The following CHRNE variants were observed in gnomAD, a reference collection of about 807,000 sequenced individuals.
The protein encoded by CHRNE is acetylcholine receptor subunit epsilon.
A neutral mutation model predicts 56.5 loss-of-function variants in CHRNE; 58 were observed. That is an observed-to-expected ratio of 1.03 (90% confidence interval 0.83 to 1.28). The LOEUF is 1.28. Among genes scored for constraint, CHRNE ranks in the 50% most tolerant of loss-of-function variants. CHRNE has a pLI of 0.00. For synonymous variants in CHRNE, 385 were observed against 297.9 expected (o/e 1.29, Z -3.01); for missense variants, 793 against 688.9 (o/e 1.15, Z -1.69).
intron 6 of CHRNE, 27 bp downstream of exon 6, chr17:4,901,498 G>C: frequency 1.2e-6 from 2 of 1,608,588 alleles, no homozygotes; most frequent in Non-Finnish European, 1.7e-6. Flanking sequence ...CTAGAAGCGG[G>C]TTTTTCTGAG....
Position 4,899,363 on chromosome 17 carries a change from G to T in CHRNE, c.1054C>A (p.Arg352Ser), listed in dbSNP as rs1384258026. 2.0e-6 allele frequency: 3 copies of T among 1,534,524 alleles called. No homozygotes were observed. The highest frequency in any genetic ancestry group is 2.6e-6 in the Non-Finnish European group (3 of 1,146,010). ...LRHVLLELLP[R>S]LLGSPPPPEA... is the part of the protein sequence containing the mutation. Reference sequence around the variant, plus strand: ...GGCGGCGGCGGGGAGCCCAGGAGGCGCGGCAGCAGCTCCAGGAGAACCTGG... The same window carrying T: ...GGCGGCGGCGGGGAGCCCAGGAGGCTCGGCAGCAGCTCCAGGAGAACCTGG... The change falls in exon 10 of 12, where the codon CGC becomes AGC. Residue 352 changes from arginine (R) to serine (S), a missense_variant. Transcript: ENST00000649488.
upstream of CHRNE, chr17:4,903,146 G>C: frequency 2.1e-6 from 3 of 1,400,530 alleles, no homozygotes; most frequent in African/African-American, 1.4e-5. Context: ...AGGGGGAGGA[G>C]GGTGTTAGTT....
intron 8 of CHRNE, chr17:4,900,402 G>A: frequency 6.4e-7 from 1 of 1,550,720 alleles, no homozygotes; most frequent in Non-Finnish European, 8.7e-7. Flanking sequence ...CCGGCTCCTA[G>A]TCCAGGGAGC....
Position 4,902,355 on chromosome 17 carries a change from G to A in CHRNE, c.235-29C>T. 2 of 1,613,526 alleles carry A rather than the reference G, an allele frequency of 1.2e-6. No homozygotes were observed. The highest frequency in any genetic ancestry group is 1.7e-6 in the Non-Finnish European group (2 of 1,179,418). On this transcript the variant is annotated intron_variant, in intron 3 of 11. Coordinates refer to ENST00000649488, the MANE Select transcript of CHRNE (RefSeq NM_000080.4). This position sits in a 1 kb window ranked among gnomAD's most constrained non-coding sequence, Gnocchi z 4.0. ...AGGGGTGGGGGATGGAAGGCCGCGTGCCCTGCATCTCCCACCTGGCGCTGC... is the reference window on the plus strand; with the variant it reads ...AGGGGTGGGGGATGGAAGGCCGCGTACCCTGCATCTCCCACCTGGCGCTGC...
At chr17:4,900,584 G>C (rs1969948519) in intron 8 of CHRNE, 2 of 1,547,652 alleles carry the variant, frequency 1.3e-6, no homozygotes, top group East Asian at 2.4e-5. Context: ...TGTCCCCCAA[G>C]AGAGCTACTC....
At chr17:4,903,764 TAG>T (rs1267920307), upstream of CHRNE, among the ~76,000 whole-genome samples, 2 of 152,154 alleles carry the variant, frequency 1.3e-5, no homozygotes, top group African/African-American at 4.8e-5. Flanking sequence ...TCACAGATGA[TAG>T]TACCGTCTTC....
chr17:4,902,960 A>G lies in CHRNE; in HGVS notation c.46+58T>C. 1 of 1,608,560 alleles carries G rather than the reference A, an allele frequency of 6.2e-7. No individual in the cohort carries two copies. Among genetic ancestry groups the G allele is most frequent in the South Asian group, 1.1e-5 (1 of 90,954 alleles). On this transcript the variant is annotated intron_variant, in intron 1 of 11. Coordinates refer to ENST00000649488, the MANE Select transcript of CHRNE (RefSeq NM_000080.4). This position sits in a 1 kb window ranked among gnomAD's most constrained non-coding sequence, Gnocchi z 4.0. ...TCTTGGTCTCTGTCTTTGTCTTCCCAGTCCCTTCATGTCAGTATCTGTGTG... is the reference window on the plus strand; with the variant it reads ...TCTTGGTCTCTGTCTTTGTCTTCCCGGTCCCTTCATGTCAGTATCTGTGTG...
chr17:4,901,007 T>C lies in CHRNE; in HGVS notation c.785A>G (p.Tyr262Cys). 1.2e-6 allele frequency: 2 copies of C among 1,613,816 alleles called. No homozygotes were observed. Among genetic ancestry groups the C allele is most frequent in the Non-Finnish European group, 1.7e-6 (2 of 1,179,858 alleles). ...VLISGLVLLA[Y>C]FLPAQAGGQK... is the part of the protein sequence containing the mutation. ...CTGCTTACCCTGCGCCGGCAGGAAGTAGGCGAGCAGCACCAGGCCCGAGAT... is the reference window on the plus strand; with the variant it reads ...CTGCTTACCCTGCGCCGGCAGGAAGCAGGCGAGCAGCACCAGGCCCGAGAT... Residue 262 changes from tyrosine to cysteine, a missense_variant, in exon 7 of 12, where the codon TAC (tyrosine) becomes TGC (cysteine). Coordinates refer to ENST00000649488, the MANE Select transcript of CHRNE (RefSeq NM_000080.4).
Position 4,898,829 on chromosome 17 carries a change from C to G in CHRNE, c.1389G>C (p.Leu463=). The G allele has an allele frequency of 6.3e-7, 1 of 1,597,708 alleles. No homozygotes were observed. Among genetic ancestry groups the G allele is most frequent in the East Asian group, 2.3e-5 (1 of 44,306 alleles). ...ALDNICFWAA[L]VLFSVGSSLI... ...GGCTGGAGCCCACGCTGAAGAGCAC[C>G]AGAGCGGCCCAGAAGCAGATGTTGT... is the stretch of plus-strand genomic sequence containing the variant. Residue 463 remains leucine, a synonymous_variant, in exon 12 of 12, where the codon CTG becomes CTC. Coordinates refer to ENST00000649488, the MANE Select transcript of CHRNE (RefSeq NM_000080.4).
chr17:4,907,905 G>T (rs1260047039), upstream of CHRNE, among the ~76,000 whole-genome samples: 2 of 152,180 alleles, frequency 1.3e-5, no homozygotes, highest in Admixed American at 6.5e-5. Context: ...AGTCGGGCAC[G>T]GTGGCTCACA....
At position 4,901,102 on chromosome 17, in the gene CHRNE, G is replaced by A. The variant is rs1597619417; in HGVS notation, c.690C>T (p.Val230=). The A allele has an allele frequency of 1.2e-6, 2 of 1,613,648 alleles. No homozygotes were observed. The highest frequency in any genetic ancestry group is 2.2e-5 in the East Asian group (1 of 44,848). ...TCCGGCGGATGATGAGCGAGTAGAT[G>A]ACGTCAGTCTCCCCTGGGCCGTCGG... ...GATDGPGETD[V]IYSLIIRRKP... The change falls in exon 7 of 12, where the codon GTC becomes GTT. Residue 230 remains valine (V), a synonymous_variant. Transcript: ENST00000649488.
At chr17:4,905,577 C>T (rs956822388), upstream of CHRNE, among the ~76,000 whole-genome samples, 4 of 150,334 alleles carry the variant, frequency 2.7e-5, no homozygotes, top group Non-Finnish European at 4.4e-5. Context: ...ATGAAGTTTC[C>T]GGCTGGATGC....
At position 4,901,640 on chromosome 17, in the gene CHRNE, C is replaced by T; in HGVS notation, c.501-15G>A. The T allele has an allele frequency of 3.7e-6, 6 of 1,611,724 alleles. No homozygotes were observed. The highest frequency in any genetic ancestry group is 5.1e-6 in the Non-Finnish European group (6 of 1,178,338). ...ACGTCTGAGAGCTGCGGAGCCAGGG[C>T]CGGGAGCCCACCCCAGAAGCTCTGA... On this transcript the variant is annotated splice_polypyrimidine_tract_variant and intron_variant, in intron 5 of 11. Coordinates refer to ENST00000649488, the MANE Select transcript of CHRNE (RefSeq NM_000080.4).
chr17:4,907,566 CAAAAAAAAA>C (rs34317332), upstream of CHRNE, among the ~76,000 whole-genome samples: 1 of 61,068 alleles, frequency 1.6e-5, no homozygotes, highest in Non-Finnish European at 3.2e-5. Flanking sequence ...GACTCAGTCT[CAAAAAAAAA>C]AAAAAAAAAA....
rs751593666 is a variant in CHRNE, at chr17:4,899,049, G to A, written c.1278C>T (p.Ala426=). ...AAPEVRCCVD[A]VNFVAESTRD... is the part of the protein sequence containing the mutation. ...TCGTGCTCTCGGCCACGAAGTTCACGGCATCCACACAGCAGCGGACCTCGG... is the reference window on the plus strand; with the variant it reads ...TCGTGCTCTCGGCCACGAAGTTCACAGCATCCACACAGCAGCGGACCTCGG... The change falls in exon 11 of 12, where the codon GCC becomes GCT. Residue 426 remains alanine, a synonymous_variant. Coordinates refer to ENST00000649488, the MANE Select transcript of CHRNE (RefSeq NM_000080.4). The A allele has an allele frequency of 5.1e-5, 82 of 1,611,560 alleles. No individual in the cohort carries two copies. In the Admixed American group the frequency reaches 1.1e-3, roughly 22 times the overall value.
chr17:4,907,566 C>CA (rs34317332), upstream of CHRNE, among the ~76,000 whole-genome samples: 1,197 of 60,430 alleles, frequency 0.02, 30 homozygotes, highest in African/African-American at 0.052. Context: ...GACTCAGTCT[C>CA]AAAAAAAAAA....
rs1352770248 is a variant in CHRNE at position 4,902,310 on chromosome 17, C to T, written c.251G>A (p.Arg84Gln). The change falls in exon 4 of 12, where the codon CGA (arginine) becomes CAA (glutamine). Residue 84 changes from arginine (R) to glutamine (Q), a missense_variant. Coordinates refer to ENST00000649488, the MANE Select transcript of CHRNE (RefSeq NM_000080.4). This position sits in a 1 kb window ranked among gnomAD's most constrained non-coding sequence, Gnocchi z 4.0. ...AAAGTCGTCCTTGCTGTAGTTGAGT[C>T]GGTAATCCTGCCAATCCTAAGGGGT... is the stretch of plus-strand genomic sequence containing the variant. ...VWIGIDWQDY[R>Q]LNYSKDDFGG... 1.2e-6 allele frequency: 2 copies of T among 1,614,134 alleles called. No individual in the cohort carries two copies. Among genetic ancestry groups the T allele is most frequent in the South Asian group, 1.1e-5 (1 of 91,070 alleles).
In CHRNE at chr17:4,901,620, T is replaced by TGAGAGCTGCGGAGC. The variant is rs746858440; in HGVS notation, c.501-9_505dup (p.Gln169ArgfsTer19). The stretch of plus-strand genomic sequence containing the variant: ...CTCCACCTCTTCGGCATTGTACGTC[T>TGAGAGCTGCGGAGC]GAGAGCTGCGGAGCCAGGGCCGGGA... On this transcript the variant is annotated frameshift_variant, in exon 6 of 12. Coordinates refer to ENST00000649488, the MANE Select transcript of CHRNE (RefSeq NM_000080.4). LOFTEE classifies it high-confidence loss of function. 1 of 1,614,020 alleles carries TGAGAGCTGCGGAGC rather than the reference T, an allele frequency of 6.2e-7. No individual in the cohort carries two copies. Among genetic ancestry groups the TGAGAGCTGCGGAGC allele is most frequent in the Non-Finnish European group, 8.5e-7 (1 of 1,179,962 alleles).
At position 4,902,480 on chromosome 17, in the gene CHRNE, C is replaced by T. The variant is rs1970025417; in HGVS notation, c.204G>A (p.Glu68=). 1.2e-6 allele frequency: 2 copies of T among 1,614,046 alleles called. No homozygotes were observed. The highest frequency in any genetic ancestry group is 3.3e-5 in the Admixed American group (2 of 60,000). ...TNLISLNEKE[E]TLTTSVWIGI... Reference sequence around the variant, plus strand: ...CAATCCAGACGCTAGTGGTGAGAGTCTCCTCTTTTTCATTCTGCAGATGGG... The same window carrying T: ...CAATCCAGACGCTAGTGGTGAGAGTTTCCTCTTTTTCATTCTGCAGATGGG... The change falls in exon 3 of 12, where the codon GAG becomes GAA. Residue 68 remains glutamate, a synonymous_variant. Coordinates refer to ENST00000649488, the MANE Select transcript of CHRNE (RefSeq NM_000080.4). The surrounding 1 kb of genome is among the most constrained non-coding windows in gnomAD (Gnocchi z 4.0).
Sources: allele counts gnomAD v4.1 joint callset (sites outside exome capture counted in the v4.1 genomes callset), GRCh38; gene constraint gnomAD v4.1.1; non-coding constraint Gnocchi (gnomAD v3.1); transcripts MANE v1.5; gene names NCBI Gene and HGNC (gene_info 2026-07-23, HGNC 2026-07-21).